The following GOLM2 variants were observed in gnomAD, a reference collection of about 807,000 sequenced individuals.
The protein encoded by GOLM2 is protein GOLM2.
A neutral mutation model predicts 55.9 loss-of-function variants in GOLM2; 26 were observed. The observed-to-expected ratio is 0.47, with a 90% confidence interval of 0.34 to 0.65. GOLM2 has a LOEUF of 0.65. GOLM2 is among the 30% of genes least tolerant of loss of function. GOLM2 has a pLI of 0.01. For synonymous variants in GOLM2, 165 were observed against 194.6 expected (o/e 0.85, Z 1.27); for missense variants, 486 against 531.8 (o/e 0.91, Z 0.85).
At chr15:44,364,553 A>G (rs1446676824) in intron 6 of GOLM2, among the ~76,000 whole-genome samples, 6 of 151,700 alleles carry the variant, frequency 4.0e-5, no homozygotes, top group Admixed American at 3.3e-4. Context: ...AAACTGGACA[A>G]GTGCGGTGGA....
At chr15:44,396,208 A>AT (rs1211835235) in intron 8 of GOLM2, among the ~76,000 whole-genome samples, 1 of 152,106 alleles carries the variant, frequency 6.6e-6, no homozygotes, top group Non-Finnish European at 1.5e-5. Flanking sequence ...TGCAAAAAAA[A>AT]TTACATGGGT....
intron 6 of GOLM2, among the ~76,000 whole-genome samples, chr15:44,340,495 C>T (rs1048055958): frequency 5.3e-5 from 8 of 152,144 alleles, no homozygotes; most frequent in South Asian, 2.1e-4. Context: ...AGTCTTCAAG[C>T]GATAGTCCCG....
chr15:44,344,986 T>G (rs1157860690), intron 6 of GOLM2, among the ~76,000 whole-genome samples: 3 of 151,450 alleles, frequency 2.0e-5, no homozygotes, highest in African/African-American at 4.9e-5. Context: ...TTTTCTTTTT[T>G]TTTTTTAATA....
intron 6 of GOLM2, among the ~76,000 whole-genome samples, chr15:44,365,520 AAAAC>A (rs1245129409): frequency 1.3e-5 from 2 of 152,192 alleles, no homozygotes; most frequent in Non-Finnish European, 2.9e-5. Flanking sequence ...ACCTGTGTCA[AAAAC>A]AAAAAAGACT....
intron 9 of GOLM2, chr15:44,405,372 T>A (rs1445754387): frequency 6.6e-6 from 1 of 152,162 alleles, no homozygotes; most frequent in African/African-American, 2.4e-5. Flanking sequence ...CATTCTGGCA[T>A]TCTCTAGATG....
chr15:44,316,048 T>C (rs1340535589), intron 1 of GOLM2, among the ~76,000 whole-genome samples: 1 of 152,116 alleles, frequency 6.6e-6, no homozygotes, highest in Non-Finnish European at 1.5e-5. Flanking sequence ...GTGGAATATA[T>C]TTAGAAAAAA....
intron 6 of GOLM2, among the ~76,000 whole-genome samples, chr15:44,352,988 C>A (rs2079175074): frequency 6.6e-6 from 1 of 150,486 alleles, no homozygotes; most frequent in Non-Finnish European, 1.5e-5. Context: ...ATCTATCTGA[C>A]AAGAGATAAA....
At chr15:44,310,455 T>TCTC (rs2078866198) in intron 1 of GOLM2, among the ~76,000 whole-genome samples, 1 of 141,836 alleles carries the variant, frequency 7.1e-6, no homozygotes, top group Non-Finnish European at 1.5e-5. Flanking sequence ...TCTCTCTCTC[T>TCTC]ATATATATAT....
intron 8 of GOLM2, among the ~76,000 whole-genome samples, chr15:44,384,670 C>T (rs966716106): frequency 6.6e-6 from 1 of 151,896 alleles, no homozygotes; most frequent in Non-Finnish European, 1.5e-5. Flanking sequence ...TGGTGTGAAC[C>T]CAGGAGGCAG....
At chr15:44,406,600 A>G (rs1213073304) in intron 9 of GOLM2, 3 of 152,184 alleles carry the variant, frequency 2.0e-5, no homozygotes, top group Non-Finnish European at 4.4e-5. Context: ...ATGAGAAAAT[A>G]TGTTTCAGAT....
intron 6 of GOLM2, among the ~76,000 whole-genome samples, chr15:44,364,905 G>A (rs1206752187): frequency 3.3e-5 from 5 of 152,218 alleles, no homozygotes; most frequent in East Asian, 3.9e-4. Context: ...TGGCAAGGAC[G>A]TGGAACAAAA....
intron 1 of GOLM2, among the ~76,000 whole-genome samples, chr15:44,312,945 G>A (rs988644396): frequency 8.5e-5 from 13 of 152,182 alleles, no homozygotes; most frequent in African/African-American, 3.1e-4. Flanking sequence ...TGGGCGTGGT[G>A]GCGTGCTCCT....
chr15:44,405,782 A>G (rs530838448), intron 9 of GOLM2, among the ~76,000 whole-genome samples: 1 of 151,968 alleles, frequency 6.6e-6, no homozygotes, highest in Non-Finnish European at 1.5e-5. Flanking sequence ...CACCACGTCC[A>G]GCTAAGTTTT....
intron 9 of GOLM2, among the ~76,000 whole-genome samples, chr15:44,410,861 C>T (rs1336215766): frequency 6.8e-6 from 1 of 146,660 alleles, no homozygotes. Context: ...CGAGATTGTG[C>T]CACTGTACTC....
intron 6 of GOLM2, among the ~76,000 whole-genome samples, chr15:44,362,358 A>G (rs1001599908): frequency 6.6e-6 from 1 of 152,034 alleles, no homozygotes. Flanking sequence ...AGGATACAAA[A>G]TCAATGTACA....
rs993307246 is a variant in GOLM2 at position 44,406,117 on chromosome 15, T to C, written c.1240+3063T>C. Among the ~76,000 whole-genome samples, 45 of 151,996 alleles carry C rather than the reference T, an allele frequency of 3.0e-4. 1 individual carries two copies. The highest frequency in any genetic ancestry group is 2.4e-4 in the Non-Finnish European group (16 of 67,996). ...AACATAGAGTAGAAAAAAACATTAG[T>C]CAGCCAGGCGCAGTGGCTCACACCT... On this transcript the variant is annotated intron_variant, in intron 9 of 9. Coordinates refer to ENST00000299957, the MANE Select transcript of GOLM2 (RefSeq NM_138423.4).
At chr15:44,290,483 A>C (rs1369439171) in intron 1 of GOLM2, among the ~76,000 whole-genome samples, 2 of 152,188 alleles carry the variant, frequency 1.3e-5, no homozygotes, top group Non-Finnish European at 2.9e-5. Flanking sequence ...TATTTCATGA[A>C]GATTAAGGCC....
At chr15:44,327,863 A>C (rs2078995265) in intron 2 of GOLM2, among the ~76,000 whole-genome samples, 1 of 152,246 alleles carries the variant, frequency 6.6e-6, no homozygotes, top group South Asian at 2.1e-4. Context: ...AAAAAAATTC[A>C]GTCCTAGTCC....
intron 8 of GOLM2, among the ~76,000 whole-genome samples, chr15:44,386,948 G>A (rs1186549337): frequency 6.6e-6 from 1 of 152,076 alleles, no homozygotes; most frequent in African/African-American, 2.4e-5. Flanking sequence ...GCCGAGGCAG[G>A]CAGATCACTG....
Sources: allele counts gnomAD v4.1 joint callset (sites outside exome capture counted in the v4.1 genomes callset), GRCh38; gene constraint gnomAD v4.1.1; transcripts MANE v1.5; gene names NCBI Gene and HGNC (gene_info 2026-07-23, HGNC 2026-07-21).